The following ELMOD1 variants were observed in gnomAD, a reference collection of about 807,000 sequenced individuals.
ELMOD1 encodes the protein ELMO domain-containing protein 1.
ELMOD1 carries 21 observed loss-of-function variants against 46.7 expected under a neutral mutation model. The ratio of observed to expected loss-of-function variants is 0.45; its 90% CI spans 0.32 to 0.65. The LOEUF (loss-of-function observed/expected upper bound fraction) is 0.65. Among genes scored for constraint, ELMOD1 ranks in the 30% least tolerant of loss-of-function variants. ELMOD1 has a pLI of 0.04. For missense variants in ELMOD1, 348 were observed against 407.8 expected, an observed-to-expected ratio of 0.85 and a Z score of 1.26; for synonymous variants, 122 against 138.2, an observed-to-expected ratio of 0.88 and a Z score of 0.82.
At chr11:107,611,367 C>A (rs1336194486) in intron 1 of ELMOD1, among the ~76,000 whole-genome samples, 1 of 152,122 alleles carries the variant, frequency 6.6e-6, no homozygotes, top group Non-Finnish European at 1.5e-5. Context: ...CTATAAGGAA[C>A]TTGAACAATT....
chr11:107,595,765 A>G (rs1418264464), intron 1 of ELMOD1, among the ~76,000 whole-genome samples: 1 of 152,268 alleles, frequency 6.6e-6, no homozygotes, highest in Admixed American at 6.5e-5. Context: ...TCTATGCTGT[A>G]AAATGGAAGG....
chr11:107,609,782 T>C (rs1001915738), intron 1 of ELMOD1, among the ~76,000 whole-genome samples: 3 of 152,218 alleles, frequency 2.0e-5, no homozygotes, highest in Admixed American at 1.3e-4. Flanking sequence ...GCGTTTGATA[T>C]GACAAGCACA....
At chr11:107,633,980 C>T (rs1308971210) in intron 5 of ELMOD1, among the ~76,000 whole-genome samples, 3 of 152,098 alleles carry the variant, frequency 2.0e-5, no homozygotes, top group South Asian at 2.1e-4. Context: ...CTGTCCTGTA[C>T]GTTTGGAGCA....
At chr11:107,623,256 TG>T (rs1865983970) in intron 2 of ELMOD1, 1 of 152,162 alleles carries the variant, frequency 6.6e-6, no homozygotes, top group African/African-American at 2.4e-5. Context: ...CATTGAAATA[TG>T]TTAACCTGCA....
In ELMOD1 at chr11:107,601,060, T is replaced by A. The variant is rs149551841; in HGVS notation, c.-86+9651T>A. On this transcript the variant is annotated intron_variant, in intron 1 of 11. Coordinates refer to ENST00000265840, the MANE Select transcript of ELMOD1 (RefSeq NM_018712.4). ...TAAAACATTGTATTGCTACAAGACT[T>A]ATAATGGAAAAACTCATTCCCTAAT... Among the ~76,000 whole-genome samples, 35 of 152,294 alleles carry A rather than the reference T, an allele frequency of 2.3e-4. 1 individual carries two copies. The East Asian group carries it at 6.6e-3, about 29-fold the overall frequency.
At position 107,665,365 on chromosome 11, in the gene ELMOD1, T is replaced by TG; in HGVS notation, c.*169dup. 1.5e-6 allele frequency: 1 copy of TG among 680,840 alleles called. No homozygotes were observed. The highest frequency in any genetic ancestry group is 2.4e-6 in the Non-Finnish European group (1 of 412,018). The allele number at this position is 680,840 out of a possible 1,614,324, so 42.2% of individuals were successfully genotyped here. On this transcript the variant is annotated 3_prime_UTR_variant, in exon 12 of 12. Coordinates refer to ENST00000265840, the MANE Select transcript of ELMOD1 (RefSeq NM_018712.4). ...TAATTCCGAGATCCCCAGAGACCAC[T>TG]GTTTCTGGAGTATCTGTCATCCAGT...
At chr11:107,651,192 C>T (rs185238865) in intron 9 of ELMOD1, among the ~76,000 whole-genome samples, 1 of 152,302 alleles carries the variant, frequency 6.6e-6, no homozygotes, top group East Asian at 1.9e-4. Context: ...CCTCACCACA[C>T]CTGTTCTGAC....
At chr11:107,624,661 G>A (rs939891512) in intron 2 of ELMOD1, among the ~76,000 whole-genome samples, 3 of 152,078 alleles carry the variant, frequency 2.0e-5, no homozygotes, top group African/African-American at 4.8e-5. Flanking sequence ...CTTATAAAGT[G>A]TATTTAATCA....
intron 1 of ELMOD1, among the ~76,000 whole-genome samples, chr11:107,599,795 A>G (rs73557724): frequency 0.12 from 17,476 of 150,066 alleles, 1,281 homozygotes; most frequent in African/African-American, 0.2. Flanking sequence ...TCCTAACAGC[A>G]TACTGGGGAC....
chr11:107,597,991 G>A (rs1418271152), intron 1 of ELMOD1, among the ~76,000 whole-genome samples: 1 of 152,134 alleles, frequency 6.6e-6, no homozygotes, highest in African/African-American at 2.4e-5. Context: ...TGTTCTGAGT[G>A]TACTCTACGT....
In ELMOD1 at chr11:107,591,724, A is replaced by C. The variant is rs750958039; in HGVS notation, c.-86+315A>C. On this transcript the variant is annotated intron_variant, in intron 1 of 11. Transcript: ENST00000265840. ...TAGGTCGCCTAGCGACCTAACGCCGAGGGCTCGGGGAAGGGATCCCAGACA... is the reference window on the plus strand; with the variant it reads ...TAGGTCGCCTAGCGACCTAACGCCGCGGGCTCGGGGAAGGGATCCCAGACA... 10 of 383,176 alleles carry C rather than the reference A, an allele frequency of 2.6e-5. No homozygotes were observed. In the Admixed American group the frequency reaches 3.5e-4, roughly 13 times the overall value. 23.7% of individuals were successfully genotyped at this position (383,176 alleles called of 1,614,324 possible). A position where few individuals can be genotyped will look rare whatever the true frequency, so the allele number is the denominator to read the frequency against.
intron 1 of ELMOD1, among the ~76,000 whole-genome samples, chr11:107,597,396 G>T (rs941536986): frequency 4.6e-5 from 7 of 152,170 alleles, no homozygotes; most frequent in African/African-American, 1.7e-4. Context: ...CAGTACAGAA[G>T]AAATTAATGC....
intron 1 of ELMOD1, among the ~76,000 whole-genome samples, chr11:107,616,975 C>T (rs1184841083): frequency 6.6e-6 from 1 of 152,126 alleles, no homozygotes; most frequent in East Asian, 1.9e-4. Context: ...AGAAAAAACA[C>T]AAAAGTACAA....
chr11:107,644,756 A>G (rs112315929), intron 6 of ELMOD1, among the ~76,000 whole-genome samples: 10,924 of 151,776 alleles, frequency 0.072, 420 homozygotes, highest in South Asian at 0.096. Flanking sequence ...TTACAGGCGT[A>G]AGCCACCGCA....
intron 1 of ELMOD1, among the ~76,000 whole-genome samples, chr11:107,616,677 C>T (rs1406456578): frequency 6.6e-6 from 1 of 152,244 alleles, no homozygotes; most frequent in Non-Finnish European, 1.5e-5. Flanking sequence ...GGGTGCCTGG[C>T]CTGCTCCACC....
At chr11:107,633,192 A>T (rs943838076) in intron 5 of ELMOD1, among the ~76,000 whole-genome samples, 1 of 152,164 alleles carries the variant, frequency 6.6e-6, no homozygotes, top group African/African-American at 2.4e-5. Context: ...CTCAACCTGT[A>T]GTATTTTTTT....
chr11:107,618,082 T>C (rs1055866765), intron 1 of ELMOD1, 23 bp from the exon 2 acceptor site: 4 of 1,284,776 alleles, frequency 3.1e-6, no homozygotes, highest in Non-Finnish European at 4.4e-6. Context: ...TAAATATACC[T>C]AATATCTAAT....
chr11:107,642,251 T>C (rs1467915258), intron 6 of ELMOD1, among the ~76,000 whole-genome samples: 1 of 152,136 alleles, frequency 6.6e-6, no homozygotes, highest in Non-Finnish European at 1.5e-5. Context: ...CCCTCACTCA[T>C]TTTTTAATAG....
chr11:107,626,317 T>C (rs139211340), intron 2 of ELMOD1, among the ~76,000 whole-genome samples: 307 of 143,644 alleles, frequency 2.1e-3, no homozygotes, highest in African/African-American at 7.6e-3. Flanking sequence ...CAAGAGACAG[T>C]AAGTGGGTTC....
Sources: allele counts gnomAD v4.1 joint callset (sites outside exome capture counted in the v4.1 genomes callset), GRCh38; gene constraint gnomAD v4.1.1; transcripts MANE v1.5; gene names NCBI Gene and HGNC (gene_info 2026-07-23, HGNC 2026-07-21).